Variants in TMCC1 observed in about 807,000 individuals in gnomAD.
TMCC1 encodes transmembrane and coiled-coil domain family 1.
Under a neutral mutation model 52.4 loss-of-function variants are expected in TMCC1, and 15 were observed. That is an observed-to-expected ratio of 0.29 (90% CI 0.19 to 0.44). TMCC1 has a LOEUF of 0.44. Among genes scored for constraint, TMCC1 ranks in the 20% least tolerant of loss-of-function variants. The pLI is 1.00. For synonymous variants in TMCC1, 279 were observed against 301.9 expected (o/e 0.92, Z 0.79); for missense variants, 503 against 806.0 (o/e 0.62, Z 4.55).
intron 4 of TMCC1, among the ~76,000 whole-genome samples, chr3:129,673,878 C>A (rs1241705130): frequency 6.6e-6 from 1 of 151,888 alleles, no homozygotes; most frequent in East Asian, 1.9e-4. Context: ...CAGTCATATG[C>A]TGCATAATGA....
chr3:129,811,038 TTTAA>T (rs1419332785), intron 4 of TMCC1, among the ~76,000 whole-genome samples: 2 of 152,228 alleles, frequency 1.3e-5, no homozygotes, highest in Admixed American at 6.5e-5. Context: ...TATGAGTTTT[TTTAA>T]TTAATAAACC....
intron 4 of TMCC1, among the ~76,000 whole-genome samples, chr3:129,769,322 C>G (rs1425056854): frequency 6.6e-6 from 1 of 152,174 alleles, no homozygotes; most frequent in Admixed American, 6.6e-5. Context: ...CTCTGCCTCT[C>G]GGGTTCAAGC....
In TMCC1 at chr3:129,766,747, T is replaced by C. The variant is rs2054160328; in HGVS notation, c.576+61056A>G. The stretch of plus-strand genomic sequence containing the variant: ...GATCCTCCCACCTCAGCCTCTCTAG[T>C]AGCTGGGACTACAGGCGTGCAACAC... On this transcript the variant is annotated intron_variant, in intron 4 of 6. Transcript: ENST00000393238. Among the ~76,000 whole-genome samples the C allele has an allele frequency of 3.9e-5, 6 of 151,918 alleles. No homozygotes were observed. The South Asian group carries it at 1.2e-3, about 32-fold the overall frequency.
chr3:129,700,539 C>A (rs1300369239), intron 4 of TMCC1, among the ~76,000 whole-genome samples: 1 of 151,994 alleles, frequency 6.6e-6, no homozygotes, highest in Non-Finnish European at 1.5e-5. Context: ...TGCAATGGTG[C>A]AATCTCGGCT....
chr3:129,650,434 G>A lies in TMCC1; in HGVS notation c.*1047C>T, dbSNP rs1046014337. 2 of 152,572 alleles carry A rather than the reference G, an allele frequency of 1.3e-5. No homozygotes were observed. The highest frequency in any genetic ancestry group is 6.6e-5 in the Admixed American group (1 of 15,260). 9.5% of individuals were successfully genotyped at this position (152,572 alleles called of 1,614,324 possible). On this transcript the variant is annotated 3_prime_UTR_variant, in exon 7 of 7. Transcript: ENST00000393238. ...CCAAAAAGCAGCAGCAGCAGCCAGA[G>A]GGAGTTTAAACTGCATCTCAAAACA...
Position 129,734,062 on chromosome 3 carries a change from A to G in TMCC1, c.577-62798T>C, listed in dbSNP as rs116429392. On this transcript the variant is annotated intron_variant, in intron 4 of 6. Coordinates refer to ENST00000393238, the MANE Select transcript of TMCC1 (RefSeq NM_001017395.5). Reference sequence around the variant, plus strand: ...AGTAAATCCATTCCTAGGAATTACTAGATAAATTAGTATATACTAGAGAAA... The same window carrying G: ...AGTAAATCCATTCCTAGGAATTACTGGATAAATTAGTATATACTAGAGAAA... Among the ~76,000 whole-genome samples, 581 of 152,336 alleles carry G rather than the reference A, an allele frequency of 3.8e-3. 6 individuals carry two copies. The highest frequency in any genetic ancestry group is 0.013 in the African/African-American group (552 of 41,578).
At chr3:129,876,957 A>AAAAT (rs1349503092) in intron 2 of TMCC1, among the ~76,000 whole-genome samples, 5 of 152,142 alleles carry the variant, frequency 3.3e-5, no homozygotes, top group South Asian at 2.1e-4. Flanking sequence ...ACTCCATCTC[A>AAAAT]AAATAAATAA....
chr3:129,779,772 T>C (rs952001731), intron 4 of TMCC1, among the ~76,000 whole-genome samples: 2 of 152,156 alleles, frequency 1.3e-5, no homozygotes, highest in Admixed American at 6.6e-5. Context: ...TTTCAGTATA[T>C]ACACAATAAG....
chr3:129,871,315 T>C (rs1465570912), intron 2 of TMCC1, among the ~76,000 whole-genome samples: 1 of 141,268 alleles, frequency 7.1e-6, no homozygotes, highest in Non-Finnish European at 1.5e-5. Context: ...GCAGAGATCA[T>C]GGCCACCGCA....
intron 2 of TMCC1, among the ~76,000 whole-genome samples, chr3:129,838,415 TAAAAGAAAAAGAAA>T (rs1022713022): frequency 6.1e-5 from 9 of 146,704 alleles, no homozygotes; most frequent in African/African-American, 1.5e-4. Flanking sequence ...TCTCAAAAAA[TAAAAGAAAAAGAAA>T]AAAAGAAAAA....
intron 2 of TMCC1, among the ~76,000 whole-genome samples, chr3:129,865,600 C>T (rs2060586776): frequency 6.6e-6 from 1 of 152,174 alleles, no homozygotes; most frequent in Non-Finnish European, 1.5e-5. Context: ...TTATTTTCCA[C>T]TATATCCTTA....
chr3:129,720,536 C>A (rs756994391), intron 4 of TMCC1, among the ~76,000 whole-genome samples: 1 of 152,096 alleles, frequency 6.6e-6, no homozygotes, highest in African/African-American at 2.4e-5. Flanking sequence ...TACTACCAGA[C>A]ACATGAGGAA....
At chr3:129,735,804 T>A (rs2050911018) in intron 4 of TMCC1, among the ~76,000 whole-genome samples, 1 of 152,230 alleles carries the variant, frequency 6.6e-6, no homozygotes, top group Admixed American at 6.5e-5. Context: ...GCAGCCTCTA[T>A]GAGCTCTCTT....
intron 5 of TMCC1, among the ~76,000 whole-genome samples, chr3:129,663,203 C>A (rs1405906576): frequency 6.6e-6 from 1 of 152,180 alleles, no homozygotes; most frequent in African/African-American, 2.4e-5. Flanking sequence ...CTGAAGCATT[C>A]CTCTTTGGGT....
intron 4 of TMCC1, among the ~76,000 whole-genome samples, chr3:129,813,737 C>A (rs2057953990): frequency 6.6e-6 from 1 of 151,598 alleles, no homozygotes; most frequent in African/African-American, 2.4e-5. Context: ...TACAACAAAC[C>A]CCCGCAACAT....
At chr3:129,699,987 T>C (rs1281764053) in intron 4 of TMCC1, among the ~76,000 whole-genome samples, 2 of 152,224 alleles carry the variant, frequency 1.3e-5, no homozygotes, top group African/African-American at 4.8e-5. Flanking sequence ...CATTACTATT[T>C]TTTTCACTGA....
chr3:129,676,868 G>A (rs988432526), intron 4 of TMCC1, among the ~76,000 whole-genome samples: 5 of 152,262 alleles, frequency 3.3e-5, no homozygotes, highest in South Asian at 4.1e-4. Context: ...GTCAGATGAT[G>A]CCTGCCAAAC....
intron 5 of TMCC1, among the ~76,000 whole-genome samples, chr3:129,662,945 T>A (rs1194538734): frequency 6.6e-6 from 1 of 152,170 alleles, no homozygotes; most frequent in African/African-American, 2.4e-5. Flanking sequence ...AAAGCAAGTA[T>A]CATATTTTGG....
At position 129,816,231 on chromosome 3, in the gene TMCC1, G is replaced by GT. The variant is rs1553879782; in HGVS notation, c.576+11571dup. Among the ~76,000 whole-genome samples the GT allele has an allele frequency of 2.0e-5, 3 of 152,114 alleles. No individual in the cohort carries two copies. In the East Asian group the frequency reaches 5.8e-4, roughly 29 times the overall value. ...TATGACCCAGGAATTCTACTACTGG[G>GT]TATATAGCCAAAAGAAAAGAAATCA... On this transcript the variant is annotated intron_variant, in intron 4 of 6. Transcript: ENST00000393238.
Sources: allele counts gnomAD v4.1 joint callset (sites outside exome capture counted in the v4.1 genomes callset), GRCh38; gene constraint gnomAD v4.1.1; transcripts MANE v1.5; gene names NCBI Gene and HGNC (gene_info 2026-07-23, HGNC 2026-07-21).